The following SEMA3A variants were observed in gnomAD, a reference collection of about 807,000 sequenced individuals.
SEMA3A encodes semaphorin 3A.
SEMA3A carries 29 observed loss-of-function variants against 97.9 expected under a neutral mutation model. The ratio of observed to expected loss-of-function variants is 0.30; its 90% CI spans 0.22 to 0.40. SEMA3A has a LOEUF of 0.40. SEMA3A is among the 10% of genes least tolerant of loss of function. The pLI is 1.00. For synonymous variants in SEMA3A, 321 were observed against 323.7 expected (o/e 0.99, Z 0.09); for missense variants, 763 against 951.3 (o/e 0.80, Z 2.60).
chr7:84,451,206 T>C (rs1028277731), intron 1 of SEMA3A, among the ~76,000 whole-genome samples: 1 of 152,166 alleles, frequency 6.6e-6, no homozygotes, highest in African/African-American at 2.4e-5. Flanking sequence ...TAGGTTCTAT[T>C]TCATTATTTT....
upstream of SEMA3A, among the ~76,000 whole-genome samples, chr7:84,197,188 C>A (rs1011377705): frequency 1.3e-5 from 2 of 152,086 alleles, no homozygotes; most frequent in Non-Finnish European, 1.5e-5. Context: ...CCTCCATATA[C>A]ACACGATTTT....
chr7:84,257,115 G>A (rs1420399841), intron 3 of SEMA3A, among the ~76,000 whole-genome samples: 3 of 151,952 alleles, frequency 2.0e-5, no homozygotes, highest in Admixed American at 6.6e-5. Context: ...TGGTAACAAG[G>A]GAATATTATT....
intron 3 of SEMA3A, among the ~76,000 whole-genome samples, chr7:84,273,721 T>C (rs765950543): frequency 1.3e-4 from 20 of 152,142 alleles, no homozygotes; most frequent in Non-Finnish European, 2.6e-4. Context: ...ATACATGCAA[T>C]GTAAACTTCT....
At chr7:84,425,551 A>G in intron 1 of SEMA3A, among the ~76,000 whole-genome samples, 1 of 145,328 alleles carries the variant, frequency 6.9e-6, no homozygotes, top group East Asian at 2.0e-4. Context: ...TATGAATATA[A>G]ACATATTTAT....
At position 83,960,925 on chromosome 7, in the gene SEMA3A, A is replaced by T. The variant is rs978724851; in HGVS notation, c.*446T>A. 4.6e-5 allele frequency: 8 copies of T among 174,392 alleles called. No homozygotes were observed. The highest frequency in any genetic ancestry group is 1.4e-4 in the African/African-American group (6 of 41,508). 10.8% of individuals were successfully genotyped at this position (174,392 alleles called of 1,614,324 possible). On this transcript the variant is annotated 3_prime_UTR_variant, in exon 17 of 17. Coordinates refer to ENST00000265362, the MANE Select transcript of SEMA3A (RefSeq NM_006080.3). ...ACAAACATGAGGGCCGGTAGACAAAATATATCCTTGAATCCAACCACGTTT... is the reference window on the plus strand; with the variant it reads ...ACAAACATGAGGGCCGGTAGACAAATTATATCCTTGAATCCAACCACGTTT...
chr7:84,114,777 T>C (rs953246304), intron 3 of SEMA3A, among the ~76,000 whole-genome samples: 1 of 152,134 alleles, frequency 6.6e-6, no homozygotes, highest in African/African-American at 2.4e-5. Flanking sequence ...TAGTCTTTTT[T>C]TTTCTTTTAA....
At chr7:84,439,750 T>C (rs1329818649) in intron 1 of SEMA3A, among the ~76,000 whole-genome samples, 1 of 152,154 alleles carries the variant, frequency 6.6e-6, no homozygotes, top group Non-Finnish European at 1.5e-5. Flanking sequence ...ATAGTACATA[T>C]ATAGTACATG....
intron 1 of SEMA3A, among the ~76,000 whole-genome samples, chr7:84,443,139 C>T (rs1805313205): frequency 6.6e-6 from 1 of 152,004 alleles, no homozygotes; most frequent in Admixed American, 6.6e-5. Flanking sequence ...ATGTAGAACA[C>T]GCTATTCAAC....
At chr7:84,218,850 T>G (rs2116332709) in intron 3 of SEMA3A, among the ~76,000 whole-genome samples, 1 of 152,274 alleles carries the variant, frequency 6.6e-6, no homozygotes, top group African/African-American at 2.4e-5. Context: ...CATATTACTC[T>G]ATGCCTTCCT....
chr7:84,319,991 A>C (rs1375275020), intron 2 of SEMA3A, among the ~76,000 whole-genome samples: 1 of 152,124 alleles, frequency 6.6e-6, no homozygotes, highest in African/African-American at 2.4e-5. Flanking sequence ...AAGAAAGTAA[A>C]TGATTTCTTT....
intron 14 of SEMA3A, among the ~76,000 whole-genome samples, chr7:83,979,348 G>T (rs1789300046): frequency 6.6e-6 from 1 of 152,000 alleles, no homozygotes; most frequent in African/African-American, 2.4e-5. Flanking sequence ...TGGCCAGGCT[G>T]GTCTCAAACT....
chr7:84,023,929 G>A (rs576262541), intron 6 of SEMA3A, among the ~76,000 whole-genome samples: 7 of 150,776 alleles, frequency 4.6e-5, no homozygotes, highest in Non-Finnish European at 8.9e-5. Flanking sequence ...GGAGAATAGC[G>A]TGAACCCGGG....
intron 1 of SEMA3A, among the ~76,000 whole-genome samples, chr7:84,173,854 C>G (rs1054809572): frequency 6.6e-6 from 1 of 152,040 alleles, no homozygotes; most frequent in Non-Finnish European, 1.5e-5. Context: ...GTCAGATCAA[C>G]GGGGGCATTA....
intron 3 of SEMA3A, among the ~76,000 whole-genome samples, chr7:84,285,235 A>G (rs1270583621): frequency 1.3e-5 from 2 of 152,184 alleles, no homozygotes; most frequent in East Asian, 3.9e-4. Flanking sequence ...TAAATACAGA[A>G]GACAATATAG....
chr7:84,421,581 C>T (rs1804593715), intron 1 of SEMA3A, among the ~76,000 whole-genome samples: 1 of 151,976 alleles, frequency 6.6e-6, no homozygotes, highest in Admixed American at 6.6e-5. Context: ...GAGAGGGCAT[C>T]GTTGTCTTGT....
At chr7:84,236,932 G>GA (rs988709078) in intron 3 of SEMA3A, among the ~76,000 whole-genome samples, 1 of 151,112 alleles carries the variant, frequency 6.6e-6, no homozygotes, top group Non-Finnish European at 1.5e-5. Context: ...TAATTACCTG[G>GA]AAAAAAAATG....
intron 1 of SEMA3A, among the ~76,000 whole-genome samples, chr7:84,183,030 G>A (rs1328355950): frequency 6.6e-6 from 1 of 152,116 alleles, no homozygotes; most frequent in Admixed American, 6.6e-5. Flanking sequence ...AGGGAGCAAA[G>A]CACTGTAATC....
At chr7:84,279,318 T>C (rs1800381412) in intron 3 of SEMA3A, among the ~76,000 whole-genome samples, 1 of 152,056 alleles carries the variant, frequency 6.6e-6, no homozygotes, top group Admixed American at 6.6e-5. Context: ...TACTAACTAA[T>C]AGGATGTAAT....
intron 4 of SEMA3A, among the ~76,000 whole-genome samples, chr7:84,076,268 G>T (rs1194722202): frequency 6.6e-6 from 1 of 152,072 alleles, no homozygotes; most frequent in Non-Finnish European, 1.5e-5. Flanking sequence ...TGCTTTGTAG[G>T]TATTTACTTT....
Sources: gnomAD v4.1 joint callset for allele counts (sites outside exome capture counted in the v4.1 genomes callset) on GRCh38, gnomAD v4.1.1 for gene constraint, MANE v1.5 for transcripts, NCBI Gene and HGNC (gene_info 2026-07-23, HGNC 2026-07-21) for gene names.